The following RAB3C variants were observed in gnomAD, a reference collection of about 807,000 sequenced individuals.
RAB3C encodes ras-related protein Rab-3C.
A neutral mutation model predicts 26.4 loss-of-function variants in RAB3C; 17 were observed. The ratio of observed to expected loss-of-function variants is 0.64; its 90% CI spans 0.44 to 0.97. The LOEUF is 0.97. Ranked by LOEUF, RAB3C falls within the 50% of genes least tolerant of loss-of-function variation. The pLI, the probability that RAB3C is intolerant of heterozygous loss-of-function variation, is 0.00. For missense variants in RAB3C, 242 were observed against 281.9 expected, an observed-to-expected ratio of 0.86 and a Z score of 1.01; for synonymous variants, 91 against 95.9, an observed-to-expected ratio of 0.95 and a Z score of 0.30.
At chr5:58,760,675 T>C (rs1741777721) in intron 3 of RAB3C, among the ~76,000 whole-genome samples, 1 of 152,204 alleles carries the variant, frequency 6.6e-6, no homozygotes, top group African/African-American at 2.4e-5. Flanking sequence ...TAATGTACTC[T>C]GATAAAAATG....
rs146185247 is a variant in RAB3C, at chr5:58,692,455, G to A, written c.253-33547G>A. Among the ~76,000 whole-genome samples the A allele has an allele frequency of 1.8e-3, 269 of 152,046 alleles. 1 individual carries two copies. Among genetic ancestry groups the A allele is most frequent in the African/African-American group, 6.1e-3 (255 of 41,492 alleles). ...AGCTGGGATTTTATTTTGATGTTAAGCATAAAGTTTAGCCTACTACCACCA... is the reference window on the plus strand; with the variant it reads ...AGCTGGGATTTTATTTTGATGTTAAACATAAAGTTTAGCCTACTACCACCA... On this transcript the variant is annotated intron_variant, in intron 2 of 4. Transcript: ENST00000282878.
chr5:58,826,634 A>G (rs980328510), intron 4 of RAB3C, among the ~76,000 whole-genome samples: 1 of 152,216 alleles, frequency 6.6e-6, no homozygotes, highest in East Asian at 1.9e-4. Context: ...CTGTAAAACA[A>G]AAGTTTTACA....
At chr5:58,629,668 C>T (rs938362362) in intron 2 of RAB3C, among the ~76,000 whole-genome samples, 3 of 151,998 alleles carry the variant, frequency 2.0e-5, no homozygotes, top group Non-Finnish European at 2.9e-5. Flanking sequence ...TTATGTATGC[C>T]CTGGTTGCAG....
intron 4 of RAB3C, among the ~76,000 whole-genome samples, chr5:58,843,414 T>G (rs971714964): frequency 1.1e-4 from 16 of 152,214 alleles, no homozygotes; most frequent in Non-Finnish European, 2.1e-4. Flanking sequence ...AGCTGGAAAT[T>G]GTCTCCTTTA....
intron 3 of RAB3C, among the ~76,000 whole-genome samples, chr5:58,776,827 T>C (rs1396209639): frequency 1.3e-5 from 2 of 152,094 alleles, no homozygotes; most frequent in East Asian, 1.9e-4. Context: ...GTGGCCATTG[T>C]CAATACCTTA....
At chr5:58,759,131 T>C (rs939374168) in intron 3 of RAB3C, among the ~76,000 whole-genome samples, 4 of 152,204 alleles carry the variant, frequency 2.6e-5, no homozygotes, top group African/African-American at 9.6e-5. Context: ...ATACCTGTCA[T>C]TGGAATGTAC....
chr5:58,835,233 T>C (rs936238337), intron 4 of RAB3C, among the ~76,000 whole-genome samples: 1 of 152,188 alleles, frequency 6.6e-6, no homozygotes, highest in African/African-American at 2.4e-5. Context: ...GGCAAATCCC[T>C]ATTTTACTGA....
chr5:58,767,146 A>AT, intron 3 of RAB3C, among the ~76,000 whole-genome samples: 2 of 152,302 alleles, frequency 1.3e-5, no homozygotes, highest in Admixed American at 1.3e-4. Flanking sequence ...TTAATTTCAG[A>AT]CAAAAACTGA....
At chr5:58,763,218 T>C (rs372319176) in intron 3 of RAB3C, among the ~76,000 whole-genome samples, 1 of 152,168 alleles carries the variant, frequency 6.6e-6, no homozygotes, top group Non-Finnish European at 1.5e-5. Flanking sequence ...TGGTTTTCCA[T>C]TGGAACACAA....
rs1747082787 is a variant in RAB3C, at chr5:58,627,505, A to C, written c.252+9635A>C. Reference sequence around the variant, plus strand: ...AAAAAAAAAAAAAAAAAAAAAAAAAAAAAAAAAAAAAAAACACAGCTTAAA... The same window carrying C: ...AAAAAAAAAAAAAAAAAAAAAAAAACAAAAAAAAAAAAAACACAGCTTAAA... On this transcript the variant is annotated intron_variant, in intron 2 of 4. Coordinates refer to ENST00000282878, the MANE Select transcript of RAB3C (RefSeq NM_138453.4). 6.1e-5 allele frequency among the ~76,000 whole-genome samples: 4 copies of C among 65,292 alleles called. 1 individual carries two copies. The South Asian group carries it at 2.0e-3, about 33-fold the overall frequency. 42.8% of individuals were successfully genotyped at this position (65,292 alleles called of 152,430 possible).
At chr5:58,665,132 C>A (rs1357032192) in intron 2 of RAB3C, among the ~76,000 whole-genome samples, 1 of 152,156 alleles carries the variant, frequency 6.6e-6, no homozygotes, top group Non-Finnish European at 1.5e-5. Flanking sequence ...AAACAGCACA[C>A]ATATTTCTGT....
chr5:58,780,459 C>A (rs563100176), intron 3 of RAB3C, among the ~76,000 whole-genome samples: 3 of 152,258 alleles, frequency 2.0e-5, no homozygotes, highest in African/African-American at 7.2e-5. Flanking sequence ...AATATCTCTT[C>A]TGGTTCTCCT....
chr5:58,804,500 A>T (rs923469571), intron 3 of RAB3C, among the ~76,000 whole-genome samples: 1 of 152,238 alleles, frequency 6.6e-6, no homozygotes, highest in Admixed American at 6.5e-5. Flanking sequence ...ACAAGTTCAC[A>T]GTTGCTTTCT....
At chr5:58,740,377 C>T (rs1010869444) in intron 3 of RAB3C, among the ~76,000 whole-genome samples, 2 of 152,314 alleles carry the variant, frequency 1.3e-5, no homozygotes, top group East Asian at 1.9e-4. Flanking sequence ...TGGGCTCTTA[C>T]GTCTTCAAAG....
chr5:58,605,921 G>T (rs1421830682), intron 1 of RAB3C, among the ~76,000 whole-genome samples: 2 of 152,060 alleles, frequency 1.3e-5, no homozygotes, highest in Non-Finnish European at 2.9e-5. Context: ...ATAAAAAAGA[G>T]GTCTTCCGTT....
At chr5:58,715,931 T>A (rs561274865) in intron 2 of RAB3C, among the ~76,000 whole-genome samples, 72 of 151,882 alleles carry the variant, frequency 4.7e-4, no homozygotes, top group African/African-American at 1.7e-3. Context: ...GTTAGTTACA[T>A]ATGTATACAT....
chr5:58,631,044 A>G (rs1348541064), intron 2 of RAB3C, among the ~76,000 whole-genome samples: 5 of 152,210 alleles, frequency 3.3e-5, no homozygotes, highest in African/African-American at 1.2e-4. Flanking sequence ...ACCAGAGAGA[A>G]GTTCTTATTT....
chr5:58,704,520 G>A (rs1010873050), intron 2 of RAB3C, among the ~76,000 whole-genome samples: 5 of 152,012 alleles, frequency 3.3e-5, no homozygotes, highest in African/African-American at 4.8e-5. Context: ...GAATATAATC[G>A]CAAACAGAAT....
At chr5:58,755,537 C>T (rs1741636359) in intron 3 of RAB3C, among the ~76,000 whole-genome samples, 2 of 152,178 alleles carry the variant, frequency 1.3e-5, no homozygotes, top group South Asian at 2.1e-4. Flanking sequence ...GACAAGACTA[C>T]ACATCAGGAC....
Sources: gnomAD v4.1 joint callset for allele counts (sites outside exome capture counted in the v4.1 genomes callset) on GRCh38, gnomAD v4.1.1 for gene constraint, MANE v1.5 for transcripts, NCBI Gene and HGNC (gene_info 2026-07-23, HGNC 2026-07-21) for gene names.